PTPRJ: variants seen among roughly 807,000 people sequenced by gnomAD.
The protein encoded by PTPRJ is receptor-type tyrosine-protein phosphatase eta.
PTPRJ carries 129 observed loss-of-function variants against 141.3 expected under a neutral mutation model. The observed-to-expected ratio is 0.91, with a 90% CI of 0.79 to 1.06. PTPRJ has a LOEUF of 1.06. PTPRJ is among the 50% of genes least tolerant of loss of function. The pLI, the probability that PTPRJ is intolerant of heterozygous loss-of-function variation, is 0.00. For missense variants in PTPRJ, 1,601 were observed against 1,679.7 expected (o/e 0.95, Z 0.82); for synonymous variants, 610 against 640.5 (o/e 0.95, Z 0.72).
intron 1 of PTPRJ, among the ~76,000 whole-genome samples, chr11:48,073,748 T>G (rs1855325740): frequency 6.6e-6 from 1 of 152,192 alleles, no homozygotes; most frequent in Non-Finnish European, 1.5e-5. Context: ...GGGTGATGGT[T>G]TATTATTTAA....
intron 18 of PTPRJ, among the ~76,000 whole-genome samples, chr11:48,150,596 C>CA (rs1857458020): frequency 6.6e-6 from 1 of 152,156 alleles, no homozygotes; most frequent in African/African-American, 2.4e-5. Flanking sequence ...CTGTTAGCCA[C>CA]AATACTTAGG....
intron 1 of PTPRJ, among the ~76,000 whole-genome samples, chr11:48,046,531 A>G (rs1854403279): frequency 6.6e-6 from 1 of 152,120 alleles, no homozygotes; most frequent in South Asian, 2.1e-4. Flanking sequence ...GCTTTGGTGG[A>G]TGAGACTGAC....
rs61915916 is a variant in PTPRJ at position 48,120,992 on chromosome 11, T to A, written c.353-11T>A. 2.0e-6 allele frequency: 3 copies of A among 1,487,050 alleles called. No individual in the cohort carries two copies. Among genetic ancestry groups the A allele is most frequent in the East Asian group, 2.5e-5 (1 of 40,202 alleles). The allele number at this position is 1,487,050 out of a possible 1,614,324, so 92.1% of individuals were successfully genotyped here. On this transcript the variant is annotated splice_polypyrimidine_tract_variant and intron_variant, in intron 3 of 24. Coordinates refer to ENST00000418331, the MANE Select transcript of PTPRJ (RefSeq NM_002843.4). ...AGTGCAATAATTTTTTTTTTTTTTT[T>A]AACAATATAGGGCCCAGTCCTGTGT...
chr11:48,020,251 C>T (rs754517357), intron 1 of PTPRJ, among the ~76,000 whole-genome samples: 10 of 152,124 alleles, frequency 6.6e-5, no homozygotes, highest in Admixed American at 1.3e-4. Flanking sequence ...TTGCGTCTTA[C>T]TTGGTGACTG....
intron 24 of PTPRJ, 42 bp downstream of exon 24, chr11:48,164,557 C>CTTTT: frequency 8.5e-7 from 1 of 1,181,262 alleles, no homozygotes. Flanking sequence ...CCTTCCCCTC[C>CTTTT]ATTTTTTTTT....
chr11:48,066,263 T>C lies in PTPRJ; in HGVS notation c.97-43795T>C, dbSNP rs923335815. 5.3e-5 allele frequency among the ~76,000 whole-genome samples: 8 copies of C among 152,216 alleles called. No homozygotes were observed. In the East Asian group the frequency reaches 1.5e-3, roughly 29 times the overall value. On this transcript the variant is annotated intron_variant, in intron 1 of 24. Transcript: ENST00000418331. ...CCACTCCTCCTCCAGTGCTCTGAGA[T>C]AGACTGAAGTAACTCTTCAGGGATG...
chr11:48,105,753 A>G (rs1856273138), intron 1 of PTPRJ, among the ~76,000 whole-genome samples: 1 of 152,010 alleles, frequency 6.6e-6, no homozygotes, highest in Non-Finnish European at 1.5e-5. Flanking sequence ...TGTGCTCCTG[A>G]GACTCTGCCC....
At chr11:48,148,485 T>G (rs969978066) in intron 15 of PTPRJ, among the ~76,000 whole-genome samples, 160 of 152,176 alleles carry the variant, frequency 1.1e-3, no homozygotes, top group African/African-American at 3.7e-3. Flanking sequence ...TTGTCCAGGC[T>G]GGAGTGCAAT....
chr11:48,088,159 G>A (rs1325763552), intron 1 of PTPRJ, among the ~76,000 whole-genome samples: 1 of 152,138 alleles, frequency 6.6e-6, no homozygotes, highest in African/African-American at 2.4e-5. Context: ...GTACACGCTT[G>A]GTCACTCTTC....
At chr11:48,015,301 G>A (rs557175532) in intron 1 of PTPRJ, among the ~76,000 whole-genome samples, 13 of 152,032 alleles carry the variant, frequency 8.6e-5, no homozygotes, top group Admixed American at 2.0e-4. Context: ...ACCGAGAAGC[G>A]TGTGGCTCAT....
At chr11:48,077,335 C>T (rs773879232) in intron 1 of PTPRJ, among the ~76,000 whole-genome samples, 10 of 152,176 alleles carry the variant, frequency 6.6e-5, no homozygotes, top group Non-Finnish European at 1.5e-4. Context: ...TGAGACCTCA[C>T]ACCCAGTTCT....
intron 2 of PTPRJ, among the ~76,000 whole-genome samples, chr11:48,112,406 A>G (rs1293758604): frequency 1.3e-5 from 2 of 152,336 alleles, no homozygotes; most frequent in East Asian, 1.9e-4. Flanking sequence ...CTAGGAGACT[A>G]GTAATGAATT....
intron 10 of PTPRJ, 76 bp downstream of exon 10, chr11:48,137,357 G>A: frequency 2.0e-6 from 3 of 1,494,660 alleles, no homozygotes; most frequent in Non-Finnish European, 1.8e-6. Flanking sequence ...TCCCAAGTCT[G>A]TAGTTTGTCT....
At chr11:48,112,637 A>G (rs1856469910) in intron 2 of PTPRJ, 110 bp from the exon 3 acceptor site, 3 of 782,274 alleles carry the variant, frequency 3.8e-6, no homozygotes, top group Middle Eastern at 2.9e-4. Flanking sequence ...GAGAGGGATC[A>G]GTTTTTCCAA....
At chr11:48,082,474 G>T (rs1289646897) in intron 1 of PTPRJ, among the ~76,000 whole-genome samples, 1 of 149,510 alleles carries the variant, frequency 6.7e-6, no homozygotes, top group Non-Finnish European at 1.5e-5. Flanking sequence ...GGAGTGCAGT[G>T]GTGTAGTCAT....
chr11:47,997,406 C>T (rs1854368556), intron 1 of PTPRJ, among the ~76,000 whole-genome samples: 1 of 152,210 alleles, frequency 6.6e-6, no homozygotes, highest in African/African-American at 2.4e-5. Flanking sequence ...TAGGTCTAAA[C>T]TAACAAGGTT....
chr11:47,988,831 G>T (rs917509145), intron 1 of PTPRJ, among the ~76,000 whole-genome samples: 31 of 145,402 alleles, frequency 2.1e-4, no homozygotes, highest in Non-Finnish European at 4.0e-4. Flanking sequence ...CATCTGAAAT[G>T]AAAATTTTTA....
chr11:48,002,719 G>C (rs1375492806), intron 1 of PTPRJ, among the ~76,000 whole-genome samples: 1 of 152,114 alleles, frequency 6.6e-6, no homozygotes, highest in East Asian at 1.9e-4. Flanking sequence ...CTGAGGTCAG[G>C]TCACCTTGCT....
chr11:47,987,985 T>C (rs1228017), intron 1 of PTPRJ, among the ~76,000 whole-genome samples: 11,128 of 152,266 alleles, frequency 0.073, 1,352 homozygotes, highest in African/African-American at 0.25. Context: ...TAGAGGGAAG[T>C]TGTCCCCTGT....
Sources: gnomAD v4.1 joint callset for allele counts (sites outside exome capture counted in the v4.1 genomes callset) on GRCh38, gnomAD v4.1.1 for gene constraint, MANE v1.5 for transcripts, NCBI Gene and HGNC (gene_info 2026-07-23, HGNC 2026-07-21) for gene names.